SCP2: variants seen among roughly 807,000 people sequenced by gnomAD.
SCP2 encodes the protein sterol carrier protein 2, also known as SCP-2/3-oxoacyl-CoA thiolase.
Under a neutral mutation model 71.4 loss-of-function variants are expected in SCP2, and 48 were observed. That is an observed-to-expected ratio of 0.67 (90% CI 0.53 to 0.86). The LOEUF is 0.86. Ranked by LOEUF, SCP2 falls within the 40% of genes least tolerant of loss-of-function variation. The probability of loss-of-function intolerance (pLI) is 0.00; values close to 1 mark genes in which losing one functional copy is unlikely to be tolerated. For synonymous variants in SCP2, 220 were observed against 218.1 expected, an observed-to-expected ratio of 1.01 and a Z score of -0.08; for missense variants, 560 against 655.6, an observed-to-expected ratio of 0.85 and a Z score of 1.59.
At chr1:52,993,168 G>A (rs1358795548) in intron 11 of SCP2, 1 of 1,609,904 alleles carries the variant, frequency 6.2e-7, no homozygotes, top group East Asian at 2.2e-5. Context: ...GCTTTTCCTG[G>A]CAGTTGGTAG....
intron 13 of SCP2, among the ~76,000 whole-genome samples, chr1:53,029,295 A>T (rs1421929634): frequency 6.9e-6 from 1 of 145,464 alleles, no homozygotes; most frequent in Non-Finnish European, 1.5e-5. Context: ...ACAGAGTCTC[A>T]CTTTGTCGCC....
intron 13 of SCP2, among the ~76,000 whole-genome samples, chr1:53,029,094 A>C (rs1002008607): frequency 6.6e-6 from 1 of 151,954 alleles, no homozygotes; most frequent in African/African-American, 2.4e-5. Flanking sequence ...GTTGTTTTTT[A>C]TTATACTATA....
intron 14 of SCP2, among the ~76,000 whole-genome samples, chr1:53,045,108 C>T (rs908967018): frequency 2.6e-5 from 4 of 152,050 alleles, no homozygotes; most frequent in African/African-American, 9.7e-5. Flanking sequence ...TAGTAAAGGG[C>T]GTAATTCCAG....
intron 10 of SCP2, among the ~76,000 whole-genome samples, chr1:52,987,002 ATATATT>A (rs1485239329): frequency 0.017 from 1,543 of 92,554 alleles, 15 homozygotes; most frequent in African/African-American, 0.07. Flanking sequence ...ATATATATAT[ATATATT>A]TTTTTTTTTT....
At position 52,934,800 on chromosome 1, in the gene SCP2, G is replaced by A. The variant is rs184039288; in HGVS notation, c.70-6996G>A. 5.1e-3 allele frequency: 754 copies of A among 148,218 alleles called. 4 individuals carry two copies. Among genetic ancestry groups the A allele is most frequent in the Middle Eastern group, 0.027 (8 of 294 alleles). 9.2% of individuals were successfully genotyped at this position (148,218 alleles called of 1,614,324 possible). On this transcript the variant is annotated intron_variant, in intron 1 of 15. Coordinates refer to ENST00000371514, the MANE Select transcript of SCP2 (RefSeq NM_002979.5). Reference sequence around the variant, plus strand: ...GCTAATTTTTTGTATTTTTAGTAGAGACTACAGGCGCCCGCCAACACGCCC... The same window carrying A: ...GCTAATTTTTTGTATTTTTAGTAGAAACTACAGGCGCCCGCCAACACGCCC...
chr1:53,045,065 C>T (rs1376783880), intron 14 of SCP2, among the ~76,000 whole-genome samples: 2 of 151,968 alleles, frequency 1.3e-5, no homozygotes, highest in African/African-American at 4.8e-5. Context: ...TTTTGTTTTG[C>T]GTTTTGTAAA....
chr1:52,957,433 AT>A (rs942522527), intron 5 of SCP2, among the ~76,000 whole-genome samples: 5 of 151,830 alleles, frequency 3.3e-5, no homozygotes, highest in Admixed American at 1.3e-4. Context: ...AAACAATTCA[AT>A]TTTTTTTTCC....
intron 11 of SCP2, chr1:52,995,448 G>C: frequency 2.3e-6 from 1 of 438,838 alleles, no homozygotes; most frequent in South Asian, 1.9e-5. Flanking sequence ...TCCCTGGCCA[G>C]CTCAATGCTG....
chr1:53,028,147 C>T (rs1340146496), intron 13 of SCP2, 76 bp downstream of exon 13: 28 of 793,224 alleles, frequency 3.5e-5, no homozygotes, highest in East Asian at 1.6e-4. Flanking sequence ...GGTGTTGCCA[C>T]GAGGTGGTAC....
chr1:53,040,651 G>A (rs530948008), intron 14 of SCP2, among the ~76,000 whole-genome samples: 34 of 152,216 alleles, frequency 2.2e-4, no homozygotes, highest in Admixed American at 2.0e-3. Context: ...AACCCAGGAG[G>A]CGGAGCTTGC....
At chr1:53,021,827 A>C (rs1488707564) in intron 12 of SCP2, among the ~76,000 whole-genome samples, 1 of 149,662 alleles carries the variant, frequency 6.7e-6, no homozygotes, top group Non-Finnish European at 1.5e-5. Flanking sequence ...GTATTTTTAG[A>C]AGAGACGGTG....
At chr1:52,951,483 A>G (rs962013883) in intron 4 of SCP2, among the ~76,000 whole-genome samples, 1 of 147,824 alleles carries the variant, frequency 6.8e-6, no homozygotes, top group South Asian at 2.2e-4. Flanking sequence ...CCAGCTATGC[A>G]GGAGGCTGAG....
chr1:52,990,658 C>T (rs1005278848), intron 11 of SCP2, among the ~76,000 whole-genome samples: 26 of 146,032 alleles, frequency 1.8e-4, no homozygotes, highest in Admixed American at 9.3e-4. Context: ...GGCGTGAACC[C>T]GGGAGGCGGA....
At chr1:53,024,781 A>G (rs1662003428) in intron 12 of SCP2, among the ~76,000 whole-genome samples, 1 of 152,056 alleles carries the variant, frequency 6.6e-6, no homozygotes, top group Admixed American at 6.6e-5. Context: ...TATGTTGGCC[A>G]GGCTGGTCTC....
intron 12 of SCP2, among the ~76,000 whole-genome samples, chr1:53,020,241 A>ATG (rs1179586400): frequency 6.6e-6 from 1 of 151,590 alleles, no homozygotes; most frequent in East Asian, 1.9e-4. Context: ...TTTTGATCAC[A>ATG]CTACTGGCTT....
At chr1:52,987,055 G>T (rs1659068832) in intron 10 of SCP2, among the ~76,000 whole-genome samples, 1 of 143,820 alleles carries the variant, frequency 7.0e-6, no homozygotes, top group Non-Finnish European at 1.5e-5. Flanking sequence ...GTCGCCCAGG[G>T]GTGCACCACC....
chr1:52,933,457 C>T (rs906951525), intron 1 of SCP2, among the ~76,000 whole-genome samples: 6 of 152,180 alleles, frequency 3.9e-5, no homozygotes, highest in African/African-American at 1.2e-4. Context: ...AAAACCCCAT[C>T]AGGTATGTTT....
intron 2 of SCP2, among the ~76,000 whole-genome samples, chr1:52,942,075 C>T (rs1654301395): frequency 2.0e-5 from 3 of 152,104 alleles, no homozygotes; most frequent in Admixed American, 1.3e-4. Context: ...TATGTGCTAT[C>T]CAAATATGTG....
intron 15 of SCP2, chr1:53,048,770 T>A (rs1466495447): frequency 6.6e-6 from 1 of 152,478 alleles, no homozygotes; most frequent in East Asian, 1.9e-4. Flanking sequence ...AAGGGTCCTC[T>A]TAGGCTCTTC....
Sources: gnomAD v4.1 joint callset for allele counts (sites outside exome capture counted in the v4.1 genomes callset) on GRCh38, gnomAD v4.1.1 for gene constraint, MANE v1.5 for transcripts, NCBI Gene and HGNC (gene_info 2026-07-23, HGNC 2026-07-21) for gene names.